FASTKD5: variants seen among roughly 807,000 people sequenced by gnomAD.
The protein encoded by FASTKD5 is FAST kinase domains 5.
FASTKD5 carries 30 observed loss-of-function variants against 44.0 expected under a neutral mutation model. That is an observed-to-expected ratio of 0.68 (90% CI 0.51 to 0.93). The LOEUF is 0.93. Ranked by LOEUF, FASTKD5 falls within the 40% of genes least tolerant of loss-of-function variation. The pLI is 0.00. For synonymous variants in FASTKD5, 335 were observed against 342.2 expected (o/e 0.98, Z 0.23); for missense variants, 868 against 908.2 (o/e 0.96, Z 0.57).
rs1167383862 is a variant in FASTKD5 at position 3,148,268 on chromosome 20, T to C, written c.803A>G (p.Tyr268Cys). 4 of 1,611,346 alleles carry C rather than the reference T, an allele frequency of 2.5e-6. No homozygotes were observed. In the South Asian group the frequency reaches 4.4e-5, roughly 18 times the overall value. Residue 268 changes from tyrosine (Y) to cysteine (C), a missense_variant, in exon 2 of 2, where the codon TAT becomes TGT. Transcript: ENST00000380266. ...TAGATCCTTCCAGTGCAAATTAAGA[T>C]AACTAGAAAAAATGTTTAAAAACCT... ...VPRFLNIFSS[Y>C]LNLHWKDLSL...
chr20:3,153,238 C>T (rs977689849), intron 1 of FASTKD5, among the ~76,000 whole-genome samples: 2 of 152,218 alleles, frequency 1.3e-5, no homozygotes, highest in East Asian at 1.9e-4. Context: ...TCTCCTAGAA[C>T]ATCAATGTTT....
chr20:3,147,831 C>G lies in FASTKD5; in HGVS notation c.1240G>C (p.Val414Leu), dbSNP rs1424133392. ...ACTCTAGGAGGCAAAGACGCAGCCA[C>G]TGCATTCATTACTCCTTCATTCAGG... Reference protein sequence around the residue: ...RFLNEGVMNAVAASLPPRVAH... With the variant: ...RFLNEGVMNALAASLPPRVAH... The change falls in exon 2 of 2, where the codon GTG (valine) becomes CTG (leucine). Residue 414 changes from valine (V) to leucine (L), a missense_variant. Coordinates refer to ENST00000380266, the MANE Select transcript of FASTKD5 (RefSeq NM_021826.5). The G allele has an allele frequency of 6.2e-7, 1 of 1,614,228 alleles. No homozygotes were observed. Among genetic ancestry groups the G allele is most frequent in the Admixed American group, 1.7e-5 (1 of 60,020 alleles).
chr20:3,147,736 G>C lies in FASTKD5; in HGVS notation c.1335C>G (p.Pro445=), dbSNP rs1376987741. Residue 445 remains proline, a synonymous_variant, in exon 2 of 2, where the codon CCC becomes CCG. Coordinates refer to ENST00000380266, the MANE Select transcript of FASTKD5 (RefSeq NM_021826.5). ...WSFGTLNYKP[P]NAEEFYSSLI... Reference sequence around the variant, plus strand: ...GGCTGGAGTAAAATTCTTCTGCATTGGGTGGCTTATAATTCAGAGTTCCAA... The same window carrying C: ...GGCTGGAGTAAAATTCTTCTGCATTCGGTGGCTTATAATTCAGAGTTCCAA... 18 of 1,614,080 alleles carry C rather than the reference G, an allele frequency of 1.1e-5. No individual in the cohort carries two copies. The highest frequency in any genetic ancestry group is 1.5e-5 in the Non-Finnish European group (18 of 1,180,052).
intron 1 of FASTKD5, among the ~76,000 whole-genome samples, chr20:3,150,018 CAAA>C (rs1358453716): frequency 9.0e-6 from 1 of 110,560 alleles, no homozygotes. Flanking sequence ...GACTCCATCT[CAAA>C]AAAAAAAAAA....
At position 3,146,812 on chromosome 20, in the gene FASTKD5, C is replaced by A; in HGVS notation, c.2259G>T (p.Ala753=). 6.2e-7 allele frequency: 1 copy of A among 1,614,078 alleles called. No individual in the cohort carries two copies. Among genetic ancestry groups the A allele is most frequent in the African/African-American group, 1.3e-5 (1 of 75,050 alleles). ...LLKRTRLEKL[A]FLHEKVFTSA... ...AGGTGAATACTTTCTCATGAAGAAACGCCAACTTTTCTAAGCGAGTTCGTT... is the reference window on the plus strand; with the variant it reads ...AGGTGAATACTTTCTCATGAAGAAAAGCCAACTTTTCTAAGCGAGTTCGTT... Residue 753 remains alanine (A), a synonymous_variant, in exon 2 of 2, where the codon GCG becomes GCT. Coordinates refer to ENST00000380266, the MANE Select transcript of FASTKD5 (RefSeq NM_021826.5).
At chr20:3,156,533 T>C (rs1391396556) in intron 1 of FASTKD5, among the ~76,000 whole-genome samples, 2 of 152,130 alleles carry the variant, frequency 1.3e-5, no homozygotes. Context: ...ACTCCTTTCC[T>C]AGTTTAAGTG....
At chr20:3,159,097 C>A (rs1272215539) in intron 1 of FASTKD5, among the ~76,000 whole-genome samples, 1 of 152,154 alleles carries the variant, frequency 6.6e-6, no homozygotes, top group Non-Finnish European at 1.5e-5. Flanking sequence ...GACAGAAGAG[C>A]TGTGTCACGG....
intron 1 of FASTKD5, among the ~76,000 whole-genome samples, chr20:3,151,147 C>T (rs1361480894): frequency 6.6e-6 from 1 of 152,070 alleles, no homozygotes; most frequent in African/African-American, 2.4e-5. Flanking sequence ...AAGTGATCCT[C>T]CTACCCTGGC....
At chr20:3,157,491 T>A (rs2066698336) in intron 1 of FASTKD5, among the ~76,000 whole-genome samples, 1 of 152,222 alleles carries the variant, frequency 6.6e-6, no homozygotes, top group Non-Finnish European at 1.5e-5. Context: ...GCCCTTCCGC[T>A]TCTCTTTTAA....
At position 3,149,033 on chromosome 20, in the gene FASTKD5, T is replaced by C; in HGVS notation, c.38A>G (p.Tyr13Cys). The change falls in exon 2 of 2, where the codon TAC (tyrosine) becomes TGC (cysteine). Residue 13 changes from tyrosine (Y) to cysteine (C), a missense_variant. Physicochemically the swap from Tyr to Cys is radical, Grantham distance 194. Transcript: ENST00000380266. This position sits in a 1 kb window ranked among gnomAD's most constrained non-coding sequence, Gnocchi z 4.1. ...ATLKSLKLVR[Y>C]RAFCSPSAFG... ...GGCAGAAGGACTGCAAAATGCTCGGTATCTTACAAGTTTTAATGACTTGAG... is the reference window on the plus strand; with the variant it reads ...GGCAGAAGGACTGCAAAATGCTCGGCATCTTACAAGTTTTAATGACTTGAG... 6.2e-7 allele frequency: 1 copy of C among 1,613,774 alleles called. No individual in the cohort carries two copies. The highest frequency in any genetic ancestry group is 1.1e-5 in the South Asian group (1 of 90,994).
Position 3,148,618 on chromosome 20 carries a change from G to A in FASTKD5, c.453C>T (p.Val151=), listed in dbSNP as rs1427691944. ...CCTGGAGATTATTTTGATTAACTCT[G>A]ACTTTGTGCAAAATTAGTTCACCTT... ...VSEGELILHK[V]RVNQNNLQAQ... Residue 151 remains valine (V), a synonymous_variant, in exon 2 of 2, where the codon GTC becomes GTT. Coordinates refer to ENST00000380266, the MANE Select transcript of FASTKD5 (RefSeq NM_021826.5). The A allele has an allele frequency of 1.2e-6, 2 of 1,614,034 alleles. No individual in the cohort carries two copies. Among genetic ancestry groups the A allele is most frequent in the African/African-American group, 2.7e-5 (2 of 74,932 alleles).
chr20:3,148,407 G>C lies in FASTKD5; in HGVS notation c.664C>G (p.His222Asp). 6.2e-7 allele frequency: 1 copy of C among 1,614,114 alleles called. No individual in the cohort carries two copies. ...GTCTCATACACATCTAGCATTGAAT[G>C]GGAGTGAGGGATTCCTAAAATGACA... Reference protein sequence around the residue: ...AFVILGIPHSHSMLDVYETKC... With the variant: ...AFVILGIPHSDSMLDVYETKC... Residue 222 changes from histidine (H) to aspartate (D), a missense_variant, in exon 2 of 2, where the codon CAT becomes GAT. His to Asp is a moderately conservative substitution (Grantham distance 81). Transcript: ENST00000380266.
intron 1 of FASTKD5, among the ~76,000 whole-genome samples, chr20:3,154,992 G>T (rs1019613291): frequency 1.4e-5 from 2 of 142,372 alleles, no homozygotes; most frequent in African/African-American, 5.4e-5. Context: ...GGCAGAGGTT[G>T]CAGTGAACCA....
At chr20:3,159,064 G>A (rs1243498897) in intron 1 of FASTKD5, among the ~76,000 whole-genome samples, 2 of 152,084 alleles carry the variant, frequency 1.3e-5, no homozygotes, top group Non-Finnish European at 2.9e-5. Context: ...TGATATGAGG[G>A]GACCCAAAGT....
At chr20:3,159,164 G>A (rs1030230850) in intron 1 of FASTKD5, among the ~76,000 whole-genome samples, 1 of 152,180 alleles carries the variant, frequency 6.6e-6, no homozygotes, top group African/African-American at 2.4e-5. Flanking sequence ...AAAGGGAGAA[G>A]GCCATCAATA....
rs544651150 is a variant in FASTKD5 at position 3,151,822 on chromosome 20, T to C, written c.-190-2562A>G. ...GGTGGGAACAAAAGAGACAGCAGGA[T>C]GGCCAGGCGTGGTGGCTCATGCCTG... On this transcript the variant is annotated intron_variant, in intron 1 of 1. Coordinates refer to ENST00000380266, the MANE Select transcript of FASTKD5 (RefSeq NM_021826.5). 5.3e-5 allele frequency: 8 copies of C among 151,918 alleles called. No homozygotes were observed. The South Asian group carries it at 1.7e-3, about 32-fold the overall frequency. 9.4% of individuals were successfully genotyped at this position (151,918 alleles called of 1,614,324 possible).
At position 3,148,044 on chromosome 20, in the gene FASTKD5, A is replaced by C; in HGVS notation, c.1027T>G (p.Leu343Val). ...AGATGCTGAATGTTAGCACAAGCCA[A>C]GTCTCCAATTTTCCGCATGACAAAT... is the stretch of plus-strand genomic sequence containing the variant. ...SEFVMRKIGD[L>V]ACANIQHLSS... The change falls in exon 2 of 2, where the codon TTG (leucine) becomes GTG (valine). Residue 343 changes from leucine to valine, a missense_variant. By Grantham distance (32) the Leu-to-Val change is conservative. Coordinates refer to ENST00000380266, the MANE Select transcript of FASTKD5 (RefSeq NM_021826.5). 1 of 1,614,200 alleles carries C rather than the reference A, an allele frequency of 6.2e-7. No individual in the cohort carries two copies. Among genetic ancestry groups the C allele is most frequent in the Non-Finnish European group, 8.5e-7 (1 of 1,180,044 alleles).
At position 3,147,190 on chromosome 20, in the gene FASTKD5, A is replaced by T. The variant is rs2066573296; in HGVS notation, c.1881T>A (p.Asp627Glu). 2 of 1,614,028 alleles carry T rather than the reference A, an allele frequency of 1.2e-6. No individual in the cohort carries two copies. The highest frequency in any genetic ancestry group is 2.7e-5 in the African/African-American group (2 of 74,918). ...RLEHVGVSLT[D>E]DLMNKLLKGK... The stretch of plus-strand genomic sequence containing the variant: ...CTTTTAGTAACTTATTCATCAAATC[A>T]TCTGTAAGGCTGACTCCCACATGCT... The change falls in exon 2 of 2, where the codon GAT becomes GAA. Residue 627 changes from aspartate (D) to glutamate (E), a missense_variant. By Grantham distance (45) the Asp-to-Glu change is conservative. Coordinates refer to ENST00000380266, the MANE Select transcript of FASTKD5 (RefSeq NM_021826.5).
At position 3,152,485 on chromosome 20, in the gene FASTKD5, G is replaced by C. The variant is rs761090438; in HGVS notation, c.-190-3225C>G. 3.8e-4 allele frequency among the ~76,000 whole-genome samples: 58 copies of C among 152,152 alleles called. 1 individual carries two copies. The highest frequency in any genetic ancestry group is 3.9e-4 in the East Asian group (2 of 5,170). On this transcript the variant is annotated intron_variant, in intron 1 of 1. Transcript: ENST00000380266. ...CCACTGCACTGCAGCCCGGGCGATA[G>C]TGCAAGACTCTGTCTCAAAAAAAAA...
Sources: allele counts gnomAD v4.1 joint callset (sites outside exome capture counted in the v4.1 genomes callset), GRCh38; gene constraint gnomAD v4.1.1; non-coding constraint Gnocchi (gnomAD v3.1); transcripts MANE v1.5; gene names NCBI Gene and HGNC (gene_info 2026-07-23, HGNC 2026-07-21).